TMEM178B: variants seen among roughly 807,000 people sequenced by gnomAD.
TMEM178B encodes the protein transmembrane protein 178B.
TMEM178B carries 5 observed loss-of-function variants against 31.0 expected under a neutral mutation model. The observed-to-expected ratio is 0.16, with a 90% CI of 0.08 to 0.34. The LOEUF (loss-of-function observed/expected upper bound fraction) is 0.34. Ranked by LOEUF, TMEM178B falls within the 10% of genes least tolerant of loss-of-function variation. The pLI is 1.00. For missense variants in TMEM178B, 275 were observed against 400.3 expected (o/e 0.69, Z 2.67); for synonymous variants, 164 against 164.0 (o/e 1.00, Z 0.00).
At chr7:141,095,025 C>T (rs1284318211) in intron 1 of TMEM178B, among the ~76,000 whole-genome samples, 3 of 152,204 alleles carry the variant, frequency 2.0e-5, no homozygotes, top group Non-Finnish European at 4.4e-5. Context: ...ATTACGGTCA[C>T]AAAACCTTCC....
intron 2 of TMEM178B, among the ~76,000 whole-genome samples, chr7:141,230,818 T>A (rs558658587): frequency 9.3e-4 from 141 of 152,202 alleles, no homozygotes; most frequent in African/African-American, 3.3e-3. Context: ...TATTTTTTAT[T>A]TTTTGTAGAT....
intron 2 of TMEM178B, among the ~76,000 whole-genome samples, chr7:141,302,659 T>A (rs1209116945): frequency 6.6e-6 from 1 of 152,156 alleles, no homozygotes; most frequent in Non-Finnish European, 1.5e-5. Flanking sequence ...AATTTGCTGT[T>A]ATGTATATTT....
chr7:141,381,439 T>C (rs1370644575), intron 2 of TMEM178B, among the ~76,000 whole-genome samples: 1 of 152,260 alleles, frequency 6.6e-6, no homozygotes, highest in East Asian at 1.9e-4. Context: ...AATTTGTCCT[T>C]CCTTAGAAGA....
At chr7:141,121,855 TG>T (rs1274407670) in intron 1 of TMEM178B, among the ~76,000 whole-genome samples, 4 of 152,198 alleles carry the variant, frequency 2.6e-5, no homozygotes, top group Non-Finnish European at 5.9e-5. Flanking sequence ...CTTTTTGACT[TG>T]CTGAGCTTGT....
chr7:141,477,684 G>C lies in TMEM178B; in HGVS notation c.*6898G>C, dbSNP rs1304425415. On this transcript the variant is annotated 3_prime_UTR_variant, in exon 4 of 4. Transcript: ENST00000565468. ...CTTCTCAGCCAAATGGGGATCAGGG[G>C]CTTCCAGGGCTCTGGGGGTGCGCAG... The C allele has an allele frequency of 6.6e-6, 1 of 152,188 alleles. No individual in the cohort carries two copies. The highest frequency in any genetic ancestry group is 2.4e-5 in the African/African-American group (1 of 41,424). 9.4% of individuals were successfully genotyped at this position (152,188 alleles called of 1,614,324 possible).
intron 2 of TMEM178B, among the ~76,000 whole-genome samples, chr7:141,285,568 A>G (rs1798436052): frequency 6.6e-6 from 1 of 152,124 alleles, no homozygotes. Context: ...TTTCTGTACC[A>G]TTTGACCCAG....
chr7:141,385,398 A>C (rs917646637), intron 2 of TMEM178B, among the ~76,000 whole-genome samples: 1 of 152,210 alleles, frequency 6.6e-6, no homozygotes, highest in African/African-American at 2.4e-5. Context: ...TTCTGTAAGC[A>C]CGATGGGGAT....
At chr7:141,434,575 C>T (rs1405830) in intron 2 of TMEM178B, among the ~76,000 whole-genome samples, 18,495 of 152,076 alleles carry the variant, frequency 0.12, 1,403 homozygotes, top group East Asian at 0.3. Flanking sequence ...ATGATCAAGT[C>T]GGGATATTGA....
intron 1 of TMEM178B, among the ~76,000 whole-genome samples, chr7:141,107,853 A>G (rs1795171122): frequency 6.6e-6 from 1 of 152,190 alleles, no homozygotes; most frequent in South Asian, 2.1e-4. Flanking sequence ...AGGCCCATGG[A>G]CTGAGGCCTG....
the TMEM178B span, among the ~76,000 whole-genome samples, chr7:141,495,652 G>C: frequency 1.3e-5 from 2 of 152,102 alleles, no homozygotes; most frequent in African/African-American, 4.8e-5. Flanking sequence ...GTTTGCTATA[G>C]CAAACATCAT....
Position 141,113,683 on chromosome 7 carries a change from A to C in TMEM178B, c.382+38991A>C, listed in dbSNP as rs1008431270. Among the ~76,000 whole-genome samples the C allele has an allele frequency of 7.2e-5, 11 of 152,172 alleles. No individual in the cohort carries two copies. In the East Asian group the frequency reaches 2.1e-3, roughly 29 times the overall value. On this transcript the variant is annotated intron_variant, in intron 1 of 3. Transcript: ENST00000565468. ...TCCTCTTGATGTCTACCTTGCAGTGAGCTGGGCCGTCCTCAGTCTGAGGCC... is the reference window on the plus strand; with the variant it reads ...TCCTCTTGATGTCTACCTTGCAGTGCGCTGGGCCGTCCTCAGTCTGAGGCC...
intron 1 of TMEM178B, among the ~76,000 whole-genome samples, chr7:141,118,444 A>C (rs113109446): frequency 0.045 from 6,804 of 152,316 alleles, 530 homozygotes; most frequent in African/African-American, 0.16. Context: ...GAGGATAATA[A>C]ATAATGCCTA....
chr7:141,119,581 G>C (rs1001794002), intron 1 of TMEM178B, among the ~76,000 whole-genome samples: 3 of 152,222 alleles, frequency 2.0e-5, no homozygotes, highest in Non-Finnish European at 4.4e-5. Context: ...GTGGCACTCA[G>C]CGCATCTTTA....
Position 141,159,684 on chromosome 7 carries a change from G to A in TMEM178B, c.383-52907G>A, listed in dbSNP as rs141701657. ...GAACCTGGAGGACATCATGCCAAGC[G>A]AAGTAAGCCAGACACAGTAAGACAA... is the stretch of plus-strand genomic sequence containing the variant. On this transcript the variant is annotated intron_variant, in intron 1 of 3. Transcript: ENST00000565468. Among the ~76,000 whole-genome samples, 57 of 152,244 alleles carry A rather than the reference G, an allele frequency of 3.7e-4. 2 individuals are homozygous for A. The East Asian group carries it at 7.1e-3, about 19-fold the overall frequency.
In TMEM178B at chr7:141,187,555, C is replaced by G. The variant is rs560171935; in HGVS notation, c.383-25036C>G. On this transcript the variant is annotated intron_variant, in intron 1 of 3. Coordinates refer to ENST00000565468, the MANE Select transcript of TMEM178B (RefSeq NM_001195278.2). Reference sequence around the variant, plus strand: ...ATGGTTGAACTAGTTTACAGTCCCACCAACAGTGTAAAAGTGTTCTTATTT... The same window carrying G: ...ATGGTTGAACTAGTTTACAGTCCCAGCAACAGTGTAAAAGTGTTCTTATTT... Among the ~76,000 whole-genome samples the G allele has an allele frequency of 5.1e-4, 78 of 152,276 alleles. 2 individuals are homozygous for G. In the South Asian group the frequency reaches 0.015, roughly 30 times the overall value.
chr7:141,186,364 G>T (rs1260321273), intron 1 of TMEM178B, among the ~76,000 whole-genome samples: 1 of 152,010 alleles, frequency 6.6e-6, no homozygotes, highest in Non-Finnish European at 1.5e-5. Context: ...AAGTAAAGAG[G>T]GTGGATTTGC....
chr7:141,464,259 C>T (rs1802112273), intron 3 of TMEM178B, among the ~76,000 whole-genome samples: 1 of 152,126 alleles, frequency 6.6e-6, no homozygotes, highest in Non-Finnish European at 1.5e-5. Context: ...TGTGGGAAAC[C>T]CTCCCCGACC....
rs529276150 is a variant in TMEM178B at position 141,288,977 on chromosome 7, A to C, written c.496+76273A>C. On this transcript the variant is annotated intron_variant, in intron 2 of 3. Coordinates refer to ENST00000565468, the MANE Select transcript of TMEM178B (RefSeq NM_001195278.2). ...CAGTTTTGTTTTCATTTCTTTCCCAATTAGGCTCAATGCATTCAAAGATAA... is the reference window on the plus strand; with the variant it reads ...CAGTTTTGTTTTCATTTCTTTCCCACTTAGGCTCAATGCATTCAAAGATAA... Among the ~76,000 whole-genome samples, 145 of 152,188 alleles carry C rather than the reference A, an allele frequency of 9.5e-4. 1 individual carries two copies. Among genetic ancestry groups the C allele is most frequent in the African/African-American group, 3.3e-3 (138 of 41,500 alleles).
rs1416765032 is a variant in TMEM178B, at chr7:141,477,034, A to G, written c.*6248A>G. 1.9e-5 allele frequency: 3 copies of G among 154,836 alleles called. No homozygotes were observed. The highest frequency in any genetic ancestry group is 7.2e-5 in the African/African-American group (3 of 41,522). 9.6% of individuals were successfully genotyped at this position (154,836 alleles called of 1,614,324 possible). On this transcript the variant is annotated 3_prime_UTR_variant, in exon 4 of 4. Coordinates refer to ENST00000565468, the MANE Select transcript of TMEM178B (RefSeq NM_001195278.2). ...CCCAAGGACCAGGTGTTGCTCCTTA[A>G]GGAACTCTGTATCCCTCTCTCCTCT...
Sources: gnomAD v4.1 joint callset for allele counts (sites outside exome capture counted in the v4.1 genomes callset) on GRCh38, gnomAD v4.1.1 for gene constraint, MANE v1.5 for transcripts, NCBI Gene and HGNC (gene_info 2026-07-23, HGNC 2026-07-21) for gene names.